Variants in SH3RF3 observed in about 807,000 individuals in gnomAD.
The protein encoded by SH3RF3 is E3 ubiquitin-protein ligase SH3RF3.
SH3RF3 carries 29 observed loss-of-function variants against 66.3 expected under a neutral mutation model. That is an observed-to-expected ratio of 0.44 (90% CI 0.33 to 0.60). The LOEUF is 0.60. Among genes scored for constraint, SH3RF3 ranks in the 20% least tolerant of loss-of-function variants. The probability of loss-of-function intolerance (pLI) is 0.04; values close to 1 mark genes in which losing one functional copy is unlikely to be tolerated. For synonymous variants in SH3RF3, 583 were observed against 532.0 expected (o/e 1.10, Z -1.32); for missense variants, 1,194 against 1,190.9 (o/e 1.00, Z -0.04).
chr2:109,412,899 G>A (rs1316317051), intron 4 of SH3RF3, among the ~76,000 whole-genome samples: 1 of 152,206 alleles, frequency 6.6e-6, no homozygotes, highest in Non-Finnish European at 1.5e-5. Context: ...CATATGCAAT[G>A]CTGTCACCTC....
In SH3RF3 at chr2:109,419,845, G is replaced by A. The variant is rs185432520; in HGVS notation, c.1403+203G>A. 2.6e-5 allele frequency among the ~76,000 whole-genome samples: 4 copies of A among 152,364 alleles called. No homozygotes were observed. The East Asian group carries it at 5.8e-4, about 22-fold the overall frequency. ...GTTCCTTCTGATGTCGTTGTTTCTA[G>A]GACATTTCTTCTAAGCAGGGAGGAT... On this transcript the variant is annotated intron_variant, in intron 5 of 9. Transcript: ENST00000309415.
intron 1 of SH3RF3, among the ~76,000 whole-genome samples, chr2:109,270,183 G>A (rs1163099305): frequency 6.6e-6 from 1 of 152,192 alleles, no homozygotes; most frequent in Non-Finnish European, 1.5e-5. Context: ...TTGATGATCA[G>A]CAAATTGGGG....
intron 1 of SH3RF3, among the ~76,000 whole-genome samples, chr2:109,217,687 A>T (rs1326473625): frequency 1.3e-5 from 2 of 152,230 alleles, no homozygotes; most frequent in African/African-American, 4.8e-5. Context: ...AGAAGACCAG[A>T]TGTCCGAAGA....
At position 109,502,069 on chromosome 2, in the gene SH3RF3, G is replaced by A; in HGVS notation, c.*398G>A. 1 of 193,624 alleles carries A rather than the reference G, an allele frequency of 5.2e-6. No individual in the cohort carries two copies. The highest frequency in any genetic ancestry group is 1.1e-5 in the Non-Finnish European group (1 of 91,812). 12.0% of individuals were successfully genotyped at this position (193,624 alleles called of 1,614,324 possible). A position where few individuals can be genotyped will look rare whatever the true frequency, so the allele number is the denominator to read the frequency against. On this transcript the variant is annotated 3_prime_UTR_variant, in exon 10 of 10. Transcript: ENST00000309415. ...GAGGTGGGTGGCATGGGGGCCAGGA[G>A]CGCTGGAGATCATCTTTCTGGGCTG...
At chr2:109,152,528 G>A (rs1236403897) in intron 1 of SH3RF3, among the ~76,000 whole-genome samples, 1 of 152,230 alleles carries the variant, frequency 6.6e-6, no homozygotes, top group Non-Finnish European at 1.5e-5. Context: ...TGGAAACAAC[G>A]AAGTGTTTGA....
At chr2:109,339,981 G>C (rs1296643403) in intron 1 of SH3RF3, among the ~76,000 whole-genome samples, 1 of 152,198 alleles carries the variant, frequency 6.6e-6, no homozygotes, top group African/African-American at 2.4e-5. Context: ...TACACGCTTT[G>C]TGATGCTGAG....
chr2:109,444,386 A>G (rs989421588), intron 7 of SH3RF3, among the ~76,000 whole-genome samples: 3 of 152,240 alleles, frequency 2.0e-5, no homozygotes, highest in Admixed American at 1.3e-4. Context: ...GCACTGGCCT[A>G]CTGGCTGTAG....
At chr2:109,222,974 A>G (rs940231148) in intron 1 of SH3RF3, among the ~76,000 whole-genome samples, 2 of 152,170 alleles carry the variant, frequency 1.3e-5, no homozygotes, top group African/African-American at 4.8e-5. Flanking sequence ...TCTCCCATCA[A>G]CAGGGTCTGT....
At chr2:109,181,956 C>T (rs1424981792) in intron 1 of SH3RF3, among the ~76,000 whole-genome samples, 1 of 152,142 alleles carries the variant, frequency 6.6e-6, no homozygotes, top group African/African-American at 2.4e-5. Context: ...GAATGAGCAA[C>T]CAAAGGCCAG....
chr2:109,129,599 G>A lies in SH3RF3; in HGVS notation c.59G>A (p.Ser20Asn). Reference protein sequence around the residue: ...ASKAAAAAAQSEGDEDRPGER... With the variant: ...ASKAAAAAAQNEGDEDRPGER... ...AAGGCGGCCGCCGCTGCTGCGCAGAGCGAGGGCGACGAGGACAGGCCAGGC... is the reference window on the plus strand; with the variant it reads ...AAGGCGGCCGCCGCTGCTGCGCAGAACGAGGGCGACGAGGACAGGCCAGGC... Residue 20 changes from serine to asparagine, a missense_variant, in exon 1 of 10, where the codon AGC becomes AAC. Physicochemically the swap from Ser to Asn is conservative, Grantham distance 46. Transcript: ENST00000309415. 1 of 1,483,008 alleles carries A rather than the reference G, an allele frequency of 6.7e-7. No individual in the cohort carries two copies. Among genetic ancestry groups the A allele is most frequent in the Non-Finnish European group, 8.9e-7 (1 of 1,125,748 alleles). The allele number at this position is 1,483,008 out of a possible 1,614,324, so 91.9% of individuals were successfully genotyped here.
intron 1 of SH3RF3, among the ~76,000 whole-genome samples, chr2:109,232,851 A>AT (rs2105191203): frequency 6.6e-6 from 1 of 152,292 alleles, no homozygotes. Flanking sequence ...TCGAGGTTCA[A>AT]TTTATACACA....
At chr2:109,414,734 C>T (rs1676677744) in intron 4 of SH3RF3, among the ~76,000 whole-genome samples, 3 of 152,202 alleles carry the variant, frequency 2.0e-5, no homozygotes, top group Admixed American at 1.3e-4. Flanking sequence ...ACTGCGTGTC[C>T]AGCACTGAGC....
At chr2:109,143,642 T>C (rs1291287018) in intron 1 of SH3RF3, among the ~76,000 whole-genome samples, 2 of 151,994 alleles carry the variant, frequency 1.3e-5, no homozygotes. Context: ...TAGTCCTAGA[T>C]ACATAAGAGG....
At chr2:109,395,808 T>C (rs925775584) in intron 3 of SH3RF3, among the ~76,000 whole-genome samples, 5 of 152,228 alleles carry the variant, frequency 3.3e-5, no homozygotes, top group African/African-American at 1.2e-4. Context: ...AAATCCATGC[T>C]GACATTCAGA....
chr2:109,181,475 C>T (rs979035972), intron 1 of SH3RF3, among the ~76,000 whole-genome samples: 1 of 151,984 alleles, frequency 6.6e-6, no homozygotes, highest in Non-Finnish European at 1.5e-5. Context: ...AAGGATTCCA[C>T]TGGTGTAACA....
intron 2 of SH3RF3, among the ~76,000 whole-genome samples, chr2:109,354,478 C>T (rs556964324): frequency 6.6e-6 from 1 of 152,360 alleles, no homozygotes; most frequent in Non-Finnish European, 1.5e-5. Context: ...TGGCATTTTA[C>T]ATGTGATTCT....
chr2:109,279,985 G>A (rs539861539), intron 1 of SH3RF3, among the ~76,000 whole-genome samples: 1 of 152,238 alleles, frequency 6.6e-6, no homozygotes, highest in East Asian at 1.9e-4. Flanking sequence ...CCTGGGCCAC[G>A]GTTTCTCTTA....
intron 8 of SH3RF3, among the ~76,000 whole-genome samples, chr2:109,457,287 C>T (rs1187217427): frequency 6.6e-6 from 1 of 152,020 alleles, no homozygotes; most frequent in Non-Finnish European, 1.5e-5. Flanking sequence ...AACTTATATC[C>T]CCGAGGCTTC....
chr2:109,276,359 C>G (rs1680758011), intron 1 of SH3RF3, among the ~76,000 whole-genome samples: 1 of 152,020 alleles, frequency 6.6e-6, no homozygotes, highest in Non-Finnish European at 1.5e-5. Context: ...AATATGTGTC[C>G]CGTAGTAGAT....
Sources: gnomAD v4.1 joint callset for allele counts (sites outside exome capture counted in the v4.1 genomes callset) on GRCh38, gnomAD v4.1.1 for gene constraint, MANE v1.5 for transcripts, NCBI Gene and HGNC (gene_info 2026-07-23, HGNC 2026-07-21) for gene names.